TAFA1: variants seen among roughly 807,000 people sequenced by gnomAD.
TAFA1 encodes TAFA chemokine like family member 1.
Under a neutral mutation model 18.5 loss-of-function variants are expected in TAFA1, and 4 were observed. The ratio of observed to expected loss-of-function variants is 0.22; its 90% CI spans 0.11 to 0.49. The LOEUF is 0.49. Among genes scored for constraint, TAFA1 ranks in the 20% least tolerant of loss-of-function variants. TAFA1 has a pLI of 0.98. For synonymous variants in TAFA1, 56 were observed against 55.2 expected, an observed-to-expected ratio of 1.01 and a Z score of -0.06; for missense variants, 147 against 169.0, an observed-to-expected ratio of 0.87 and a Z score of 0.72.
At chr3:68,024,275 T>C (rs1449305521) in intron 2 of TAFA1, among the ~76,000 whole-genome samples, 1 of 152,136 alleles carries the variant, frequency 6.6e-6, no homozygotes, top group Non-Finnish European at 1.5e-5. Context: ...CAAAACCTTG[T>C]AAGGGTGGAT....
chr3:68,542,929 G>T (rs751104152), intron 4 of TAFA1, among the ~76,000 whole-genome samples: 11 of 152,136 alleles, frequency 7.2e-5, no homozygotes, highest in Non-Finnish European at 1.5e-4. Flanking sequence ...TGAGCAGGGG[G>T]ATGACTTAGA....
chr3:68,110,349 T>C (rs1482816166), intron 2 of TAFA1, among the ~76,000 whole-genome samples: 2 of 152,244 alleles, frequency 1.3e-5, no homozygotes, highest in South Asian at 2.1e-4. Context: ...GATGTATATG[T>C]ACCACATTTT....
intron 2 of TAFA1, among the ~76,000 whole-genome samples, chr3:68,025,050 GT>G (rs1289381806): frequency 2.0e-5 from 3 of 151,986 alleles, no homozygotes; most frequent in Non-Finnish European, 4.4e-5. Flanking sequence ...TGGGCAAAAT[GT>G]TTTTAATTAT....
chr3:68,193,120 C>G (rs1030064572), intron 2 of TAFA1, among the ~76,000 whole-genome samples: 13 of 151,628 alleles, frequency 8.6e-5, no homozygotes, highest in Non-Finnish European at 5.9e-5. Flanking sequence ...GTCACAGTAC[C>G]TGCCTCTTCT....
chr3:68,219,022 T>G (rs1006164067), intron 2 of TAFA1, among the ~76,000 whole-genome samples: 1 of 151,710 alleles, frequency 6.6e-6, no homozygotes, highest in Non-Finnish European at 1.5e-5. Flanking sequence ...TTTTTTGAAA[T>G]TATTTTAAAC....
chr3:68,518,634 C>T (rs757827970), intron 3 of TAFA1, among the ~76,000 whole-genome samples: 1 of 152,154 alleles, frequency 6.6e-6, no homozygotes, highest in Non-Finnish European at 1.5e-5. Context: ...TTGAACTAGG[C>T]ATTCTGGGAA....
chr3:68,331,787 TA>T (rs1296068756), intron 2 of TAFA1, among the ~76,000 whole-genome samples: 1 of 151,026 alleles, frequency 6.6e-6, no homozygotes, highest in African/African-American at 2.4e-5. Context: ...AACCCATTCA[TA>T]TATGGTAAAT....
chr3:68,302,212 A>G (rs1482156357), intron 2 of TAFA1, among the ~76,000 whole-genome samples: 1 of 152,224 alleles, frequency 6.6e-6, no homozygotes, highest in Non-Finnish European at 1.5e-5. Context: ...TAAAACTACT[A>G]GAGATAGAGA....
intron 3 of TAFA1, among the ~76,000 whole-genome samples, chr3:68,449,568 T>C (rs1213684158): frequency 2.6e-5 from 4 of 152,178 alleles, no homozygotes; most frequent in African/African-American, 9.7e-5. Flanking sequence ...CTTCTTCCTA[T>C]ATTTAAAAAT....
At chr3:68,217,539 G>T (rs907668307) in intron 2 of TAFA1, among the ~76,000 whole-genome samples, 1 of 151,834 alleles carries the variant, frequency 6.6e-6, no homozygotes, top group East Asian at 1.9e-4. Context: ...TAAAACTAAG[G>T]CAATCTGAAT....
intron 2 of TAFA1, among the ~76,000 whole-genome samples, chr3:68,034,169 C>T (rs1389934255): frequency 6.6e-6 from 1 of 152,066 alleles, no homozygotes; most frequent in Non-Finnish European, 1.5e-5. Context: ...GTACCTTGGA[C>T]TTGTGAAAGA....
At chr3:68,028,849 G>C (rs986689168) in intron 2 of TAFA1, among the ~76,000 whole-genome samples, 4 of 151,706 alleles carry the variant, frequency 2.6e-5, no homozygotes, top group Non-Finnish European at 5.9e-5. Flanking sequence ...AACTCCCCAG[G>C]CTCAGGTGAT....
intron 2 of TAFA1, among the ~76,000 whole-genome samples, chr3:68,147,576 G>C (rs1595492): frequency 0.076 from 11,537 of 152,062 alleles, 599 homozygotes; most frequent in South Asian, 0.11. Context: ...TCACATAAAA[G>C]AATATGAAAC....
At chr3:68,036,264 C>A (rs761927945) in intron 2 of TAFA1, among the ~76,000 whole-genome samples, 6 of 151,890 alleles carry the variant, frequency 4.0e-5, no homozygotes, top group Non-Finnish European at 4.4e-5. Flanking sequence ...AATGGTGAAA[C>A]CCCATCTCTA....
chr3:68,376,441 G>T (rs2069819368), intron 2 of TAFA1, among the ~76,000 whole-genome samples: 1 of 151,718 alleles, frequency 6.6e-6, no homozygotes. Context: ...TGTGTGTGTT[G>T]TTCCCCTCAT....
Position 68,417,530 on chromosome 3 carries a change from A to G in TAFA1, c.259+110A>G, listed in dbSNP as rs2070863573. On this transcript the variant is annotated intron_variant, in intron 3 of 4. Coordinates refer to ENST00000478136, the MANE Select transcript of TAFA1 (RefSeq NM_213609.4). ...CAGATAATGAACAAGGTGCATCCGA[A>G]GTGTTAGAAAGTTATACAATTGCCA... 15 of 1,005,060 alleles carry G rather than the reference A, an allele frequency of 1.5e-5. No individual in the cohort carries two copies. In the South Asian group the frequency reaches 2.6e-4, roughly 17 times the overall value. The allele number at this position is 1,005,060 out of a possible 1,614,324, so 62.3% of individuals were successfully genotyped here.
At position 68,047,599 on chromosome 3, in the gene TAFA1, G is replaced by C. The variant is rs544446760; in HGVS notation, c.118+40855G>C. ...AACACCCTTCTCTGTTAACAGCTGA[G>C]TGGATTGGTTACACTATTTGGCTAT... On this transcript the variant is annotated intron_variant, in intron 2 of 4. Transcript: ENST00000478136. Among the ~76,000 whole-genome samples, 4 of 152,266 alleles carry C rather than the reference G, an allele frequency of 2.6e-5. No individual in the cohort carries two copies. The South Asian group carries it at 8.3e-4, about 32-fold the overall frequency.
intron 2 of TAFA1, among the ~76,000 whole-genome samples, chr3:68,261,119 C>T (rs2067412015): frequency 1.3e-5 from 2 of 151,964 alleles, no homozygotes; most frequent in African/African-American, 4.8e-5. Flanking sequence ...TGAACAGACA[C>T]TTCTCAAAAG....
intron 2 of TAFA1, among the ~76,000 whole-genome samples, chr3:68,320,762 ACT>A (rs2068686398): frequency 6.6e-6 from 1 of 151,968 alleles, no homozygotes; most frequent in African/African-American, 2.4e-5. Context: ...CTCATCTCAA[ACT>A]CTAGATTGTG....
Sources: gnomAD v4.1 joint callset for allele counts (sites outside exome capture counted in the v4.1 genomes callset) on GRCh38, gnomAD v4.1.1 for gene constraint, MANE v1.5 for transcripts, NCBI Gene and HGNC (gene_info 2026-07-23, HGNC 2026-07-21) for gene names.